The following NUBPL variants were observed in gnomAD, a reference collection of about 807,000 sequenced individuals.
The protein encoded by NUBPL is NUBP iron-sulfur cluster assembly factor, mitochondrial.
A neutral mutation model predicts 45.7 loss-of-function variants in NUBPL; 31 were observed. That is an observed-to-expected ratio of 0.68 (90% CI 0.51 to 0.92). NUBPL has a LOEUF of 0.92. Ranked by LOEUF, NUBPL falls within the 40% of genes least tolerant of loss-of-function variation. The probability of loss-of-function intolerance (pLI) is 0.00; values close to 1 mark genes in which losing one functional copy is unlikely to be tolerated. For missense variants in NUBPL, 401 were observed against 398.7 expected (o/e 1.01, Z -0.05); for synonymous variants, 144 against 140.9 (o/e 1.02, Z -0.15).
At chr14:31,741,968 A>G (rs546072764) in intron 6 of NUBPL, among the ~76,000 whole-genome samples, 2 of 152,176 alleles carry the variant, frequency 1.3e-5, no homozygotes, top group East Asian at 3.9e-4. Flanking sequence ...GATTTTTTAA[A>G]TATCCCATAT....
chr14:31,562,602 TTG>T lies in NUBPL; in HGVS notation c.256+389_256+390del, dbSNP rs1491039193. Among the ~76,000 whole-genome samples the T allele has an allele frequency of 2.1e-3, 265 of 124,812 alleles. 1 individual carries two copies. The East Asian group carries it at 0.043, about 20-fold the overall frequency. The allele number at this position is 124,812 out of a possible 152,430, so 81.9% of individuals were successfully genotyped here. A position where few individuals can be genotyped will look rare whatever the true frequency, so the allele number is the denominator to read the frequency against. ...TAAAACATCTAGTAACTTTTTTTTT[TTG>T]TTTTTTTTTTTTTTTTTGAGACGGA... is the stretch of plus-strand genomic sequence containing the variant. On this transcript the variant is annotated intron_variant, in intron 2 of 10. Coordinates refer to ENST00000281081, the MANE Select transcript of NUBPL (RefSeq NM_025152.3).
At chr14:31,659,914 A>G (rs2036228452) in intron 4 of NUBPL, among the ~76,000 whole-genome samples, 1 of 152,174 alleles carries the variant, frequency 6.6e-6, no homozygotes. Flanking sequence ...GGATTAAAGG[A>G]AAGATATGCC....
At chr14:31,567,255 GT>G (rs1445750480) in intron 3 of NUBPL, among the ~76,000 whole-genome samples, 1 of 151,974 alleles carries the variant, frequency 6.6e-6, no homozygotes, top group Non-Finnish European at 1.5e-5. Flanking sequence ...AAGAGTTTAG[GT>G]TTTCTTTATG....
intron 2 of NUBPL, chr14:31,563,010 A>C (rs2033340871): frequency 6.5e-6 from 1 of 152,896 alleles, no homozygotes; most frequent in Admixed American, 6.5e-5. Flanking sequence ...TTTGTGGTGG[A>C]TCACTAATCC....
chr14:31,851,246 T>C (rs967633812), intron 10 of NUBPL, among the ~76,000 whole-genome samples: 7 of 151,736 alleles, frequency 4.6e-5, no homozygotes, highest in Admixed American at 4.6e-4. Flanking sequence ...TTTTTTTTTT[T>C]TTTTCTTTTC....
At chr14:31,744,156 G>T (rs1005835859) in intron 6 of NUBPL, among the ~76,000 whole-genome samples, 2 of 152,162 alleles carry the variant, frequency 1.3e-5, no homozygotes, top group African/African-American at 4.8e-5. Flanking sequence ...GTGATCTCTT[G>T]GGTGAGAGAA....
rs75652963 is a variant in NUBPL at position 31,684,287 on chromosome 14, G to A, written c.513+10713G>A. On this transcript the variant is annotated intron_variant, in intron 6 of 10. Transcript: ENST00000281081. ...ACCTAGTGTCATGTACATGGGTTTT[G>A]TAATTATTTTATTTTGTCTGGGTAT... Among the ~76,000 whole-genome samples, 104 of 152,206 alleles carry A rather than the reference G, an allele frequency of 6.8e-4. No individual in the cohort carries two copies. The East Asian group carries it at 0.018, about 27-fold the overall frequency.
intron 6 of NUBPL, among the ~76,000 whole-genome samples, chr14:31,725,477 T>C (rs1173658547): frequency 6.6e-6 from 1 of 152,202 alleles, no homozygotes; most frequent in Non-Finnish European, 1.5e-5. Context: ...CATAATGAGA[T>C]ACCTTGAGGA....
At chr14:31,632,818 A>T (rs1206918771) in intron 4 of NUBPL, among the ~76,000 whole-genome samples, 1 of 152,256 alleles carries the variant, frequency 6.6e-6, no homozygotes. Context: ...CATAATCCAC[A>T]CTGTATTTTA....
At chr14:31,709,142 A>C (rs796590243) in intron 6 of NUBPL, among the ~76,000 whole-genome samples, 5 of 152,302 alleles carry the variant, frequency 3.3e-5, no homozygotes, top group African/African-American at 9.6e-5. Context: ...TTTAGGGCCC[A>C]GGGCTTGCTT....
At chr14:31,842,385 C>T (rs1250073952) in intron 8 of NUBPL, among the ~76,000 whole-genome samples, 1 of 152,102 alleles carries the variant, frequency 6.6e-6, no homozygotes, top group Non-Finnish European at 1.5e-5. Context: ...TATCCTTTAA[C>T]TAGGAGAAGT....
intron 7 of NUBPL, among the ~76,000 whole-genome samples, chr14:31,800,678 A>G (rs187167832): frequency 7.9e-4 from 121 of 152,290 alleles, no homozygotes; most frequent in Non-Finnish European, 1.5e-3. Context: ...TTAAAAAAGA[A>G]CTTCTTACTT....
chr14:31,841,949 G>C (rs1438148817), intron 8 of NUBPL, among the ~76,000 whole-genome samples: 1 of 2,624 alleles, frequency 3.8e-4, no homozygotes, highest in Admixed American at 2.9e-3. Context: ...TTTTTTTTTT[G>C]AGACGGGGTC....
chr14:31,758,063 T>C (rs2038711978), intron 6 of NUBPL, among the ~76,000 whole-genome samples: 2 of 152,164 alleles, frequency 1.3e-5, no homozygotes, highest in Non-Finnish European at 2.9e-5. Context: ...ACCATCACTA[T>C]CATCTTATCT....
intron 6 of NUBPL, among the ~76,000 whole-genome samples, chr14:31,679,544 T>C (rs920557800): frequency 6.6e-6 from 1 of 152,230 alleles, no homozygotes; most frequent in Non-Finnish European, 1.5e-5. Context: ...AATTTATTTA[T>C]ATATTAGATA....
chr14:31,655,276 A>G (rs11845576), intron 4 of NUBPL, among the ~76,000 whole-genome samples: 1 of 152,214 alleles, frequency 6.6e-6, no homozygotes, highest in Non-Finnish European at 1.5e-5. Context: ...TAATAATAAG[A>G]CTTGAAAGTC....
intron 6 of NUBPL, among the ~76,000 whole-genome samples, chr14:31,761,197 G>A (rs10134906): frequency 0.55 from 83,621 of 151,450 alleles, 25,274 homozygotes; most frequent in African/African-American, 0.82. Context: ...ATTTTTTTTT[G>A]GAGATCAGTC....
intron 6 of NUBPL, among the ~76,000 whole-genome samples, chr14:31,777,875 G>GGGA (rs2039124446): frequency 6.6e-6 from 1 of 152,208 alleles, no homozygotes; most frequent in African/African-American, 2.4e-5. Context: ...GGGAGTCTAG[G>GGGA]GGAATCTCTG....
intron 6 of NUBPL, among the ~76,000 whole-genome samples, chr14:31,703,563 T>C (rs1370141350): frequency 6.6e-6 from 1 of 152,156 alleles, no homozygotes; most frequent in African/African-American, 2.4e-5. Flanking sequence ...AGTTACCTCT[T>C]ACATGGATGG....
Sources: allele counts gnomAD v4.1 joint callset (sites outside exome capture counted in the v4.1 genomes callset), GRCh38; gene constraint gnomAD v4.1.1; transcripts MANE v1.5; gene names NCBI Gene and HGNC (gene_info 2026-07-23, HGNC 2026-07-21).